The following CNTLN variants were observed in gnomAD, a reference collection of about 807,000 sequenced individuals.
The protein encoded by CNTLN is centlein, centrosomal protein.
A neutral mutation model predicts 180.0 loss-of-function variants in CNTLN; 212 were observed. The ratio of observed to expected loss-of-function variants is 1.18; its 90% CI spans 1.05 to 1.32. The LOEUF (loss-of-function observed/expected upper bound fraction) is 1.32, where lower values mean the gene tolerates loss of function less well. Among genes scored for constraint, CNTLN ranks in the 40% most tolerant of loss-of-function variants. The pLI is 0.00. For missense variants in CNTLN, 2,095 were observed against 1,610.9 expected, an observed-to-expected ratio of 1.30 and a Z score of -5.14; for synonymous variants, 722 against 563.1, an observed-to-expected ratio of 1.28 and a Z score of -3.99.
chr9:17,482,479 T>C (rs1217424930), intron 23 of CNTLN, among the ~76,000 whole-genome samples: 1 of 152,192 alleles, frequency 6.6e-6, no homozygotes, highest in African/African-American at 2.4e-5. Flanking sequence ...AATACCATGT[T>C]CTTTGATTAG....
At chr9:17,384,331 C>G (rs1047153551) in intron 13 of CNTLN, among the ~76,000 whole-genome samples, 1 of 151,026 alleles carries the variant, frequency 6.6e-6, no homozygotes, top group African/African-American at 2.4e-5. Flanking sequence ...TCCTACCTCT[C>G]GTCCTAGAAA....
At chr9:17,346,355 T>G (rs1821894635) in intron 12 of CNTLN, among the ~76,000 whole-genome samples, 1 of 152,098 alleles carries the variant, frequency 6.6e-6, no homozygotes, top group East Asian at 1.9e-4. Flanking sequence ...GCATGAGAAC[T>G]GCCCCCGTGA....
At chr9:17,262,792 A>G (rs912627576) in intron 5 of CNTLN, among the ~76,000 whole-genome samples, 2 of 151,384 alleles carry the variant, frequency 1.3e-5, no homozygotes, top group Admixed American at 6.6e-5. Context: ...CAGTTCTTAA[A>G]GGGAATGCTT....
intron 23 of CNTLN, among the ~76,000 whole-genome samples, chr9:17,483,098 A>G (rs1832728918): frequency 6.6e-6 from 1 of 152,244 alleles, no homozygotes; most frequent in East Asian, 1.9e-4. Context: ...AAAAGAACAA[A>G]TAATGAAATA....
At position 17,394,631 on chromosome 9, in the gene CNTLN, A is replaced by G; in HGVS notation, c.2177A>G (p.Lys726Arg). ...TTAATGAAAGAAAATGATTTTCTGA[A>G]ATCCCTCTTAAAACAGCAACAAGAA... is the stretch of plus-strand genomic sequence containing the variant. ...KKLMKENDFL[K>R]SLLKQQQEDT... Residue 726 changes from lysine (K) to arginine (R), a missense_variant, in exon 15 of 26, where the codon AAA becomes AGA. By Grantham distance (26) the Lys-to-Arg change is conservative. Transcript: ENST00000380647. 1 of 1,606,098 alleles carries G rather than the reference A, an allele frequency of 6.2e-7. No individual in the cohort carries two copies. The highest frequency in any genetic ancestry group is 8.5e-7 in the Non-Finnish European group (1 of 1,177,962).
chr9:17,336,413 T>C (rs1299988507), intron 10 of CNTLN, among the ~76,000 whole-genome samples: 2 of 152,232 alleles, frequency 1.3e-5, no homozygotes, highest in Non-Finnish European at 2.9e-5. Flanking sequence ...TATAAAACTT[T>C]ACTCTCTATT....
intron 9 of CNTLN, 130 bp from the exon 10 acceptor site, chr9:17,332,475 T>A: frequency 1.3e-6 from 1 of 799,738 alleles, no homozygotes; most frequent in Non-Finnish European, 1.9e-6. Flanking sequence ...TTCTCTGGTA[T>A]TCCATGCAGG....
At position 17,434,986 on chromosome 9, in the gene CNTLN, T is replaced by G. The variant is rs543468926; in HGVS notation, c.3114+18797T>G. Among the ~76,000 whole-genome samples, 7 of 152,362 alleles carry G rather than the reference T, an allele frequency of 4.6e-5. No individual in the cohort carries two copies. In the South Asian group the frequency reaches 8.3e-4, roughly 18 times the overall value. Reference sequence around the variant, plus strand: ...TGGCTACTTTCAAGATTTTTTTGTCTTTCATTATTAAAAGTTGGCTTTTAA... The same window carrying G: ...TGGCTACTTTCAAGATTTTTTTGTCGTTCATTATTAAAAGTTGGCTTTTAA... On this transcript the variant is annotated intron_variant, in intron 18 of 25. Coordinates refer to ENST00000380647, the MANE Select transcript of CNTLN (RefSeq NM_017738.4).
At chr9:17,139,126 C>T (rs191804087) in intron 1 of CNTLN, among the ~76,000 whole-genome samples, 2 of 152,086 alleles carry the variant, frequency 1.3e-5, no homozygotes, top group Admixed American at 6.5e-5. Context: ...CTCGCTCTGT[C>T]GCCCAGGCTG....
chr9:17,364,509 T>TC (rs1000347118), intron 12 of CNTLN, among the ~76,000 whole-genome samples: 1 of 151,310 alleles, frequency 6.6e-6, no homozygotes, highest in Admixed American at 6.6e-5. Context: ...TGTTCTTTTT[T>TC]AATATATGTT....
At chr9:17,333,407 A>G (rs865939673) in intron 10 of CNTLN, among the ~76,000 whole-genome samples, 2 of 152,026 alleles carry the variant, frequency 1.3e-5, no homozygotes, top group Non-Finnish European at 2.9e-5. Flanking sequence ...TTCATTCACA[A>G]TTACCTGAAG....
At chr9:17,224,200 T>C (rs1313675244) in intron 2 of CNTLN, among the ~76,000 whole-genome samples, 1 of 152,038 alleles carries the variant, frequency 6.6e-6, no homozygotes, top group African/African-American at 2.4e-5. Flanking sequence ...CTATGTATTA[T>C]TTATCTTCAT....
intron 8 of CNTLN, among the ~76,000 whole-genome samples, chr9:17,330,288 G>C (rs1240188803): frequency 6.6e-6 from 1 of 151,956 alleles, no homozygotes; most frequent in Non-Finnish European, 1.5e-5. Context: ...TGGATTGACT[G>C]TTTTGTGAGG....
At chr9:17,375,160 G>A (rs1046116519) in intron 13 of CNTLN, among the ~76,000 whole-genome samples, 9 of 152,122 alleles carry the variant, frequency 5.9e-5, no homozygotes, top group African/African-American at 1.9e-4. Context: ...AGTGAAATAA[G>A]CCAGGTATAG....
intron 8 of CNTLN, among the ~76,000 whole-genome samples, chr9:17,312,363 A>ATATT (rs1191455327): frequency 0.015 from 224 of 15,126 alleles, no homozygotes; most frequent in African/African-American, 0.025. Flanking sequence ...ATATATATAT[A>ATATT]TTATATATAT....
intron 3 of CNTLN, among the ~76,000 whole-genome samples, chr9:17,234,259 A>G (rs2132139332): frequency 6.6e-6 from 1 of 152,200 alleles, no homozygotes; most frequent in African/African-American, 2.4e-5. Context: ...AGAAGGTAAC[A>G]TAGTGAGACC....
intron 1 of CNTLN, among the ~76,000 whole-genome samples, chr9:17,139,190 C>T (rs565269471): frequency 3.3e-5 from 5 of 152,090 alleles, no homozygotes; most frequent in African/African-American, 1.2e-4. Flanking sequence ...CTGGTTCAAG[C>T]TATTGTCCTG....
At position 17,296,566 on chromosome 9, in the gene CNTLN, T is replaced by C. The variant is rs562746440; in HGVS notation, c.984-1624T>C. Among the ~76,000 whole-genome samples the C allele has an allele frequency of 2.0e-5, 3 of 152,292 alleles. No individual in the cohort carries two copies. The East Asian group carries it at 5.8e-4, about 29-fold the overall frequency. ...ACGTATCTTAACTGTGATGGAATTT[T>C]CTCCTGCCCTGTTGCGTATTTCCTT... On this transcript the variant is annotated intron_variant, in intron 6 of 25. Transcript: ENST00000380647.
At chr9:17,290,751 G>C (rs530499571) in intron 6 of CNTLN, among the ~76,000 whole-genome samples, 2 of 151,658 alleles carry the variant, frequency 1.3e-5, no homozygotes, top group Admixed American at 1.3e-4. Flanking sequence ...CGCAATATTC[G>C]GGTGGGAGTG....
Sources: allele counts gnomAD v4.1 joint callset (sites outside exome capture counted in the v4.1 genomes callset), GRCh38; gene constraint gnomAD v4.1.1; transcripts MANE v1.5; gene names NCBI Gene and HGNC (gene_info 2026-07-23, HGNC 2026-07-21).